Variants in TLE4 observed in about 807,000 individuals in gnomAD.
TLE4 encodes TLE family member 4, transcriptional corepressor.
A neutral mutation model predicts 92.8 loss-of-function variants in TLE4; 8 were observed. That is an observed-to-expected ratio of 0.09 (90% CI 0.05 to 0.16). TLE4 has a LOEUF of 0.16. Ranked by LOEUF, TLE4 falls within the 10% of genes least tolerant of loss-of-function variation. The pLI, the probability that TLE4 is intolerant of heterozygous loss-of-function variation, is 1.00. For missense variants in TLE4, 675 were observed against 997.6 expected (o/e 0.68, Z 4.36); for synonymous variants, 371 against 374.1 (o/e 0.99, Z 0.10).
chr9:79,590,793 CTGTT>C (rs1412288251), intron 4 of TLE4, among the ~76,000 whole-genome samples: 2 of 152,128 alleles, frequency 1.3e-5, no homozygotes, highest in Non-Finnish European at 2.9e-5. Flanking sequence ...CACTTTCTTT[CTGTT>C]TGAGGCTCAC....
At chr9:79,672,295 GT>G (rs1469159944) in intron 8 of TLE4, among the ~76,000 whole-genome samples, 2 of 151,974 alleles carry the variant, frequency 1.3e-5, no homozygotes, top group Non-Finnish European at 2.9e-5. Context: ...GAAGAGTGTG[GT>G]TTTCCCACAG....
At chr9:79,689,727 C>G (rs747886212) in intron 8 of TLE4, among the ~76,000 whole-genome samples, 10 of 152,128 alleles carry the variant, frequency 6.6e-5, no homozygotes, top group Non-Finnish European at 1.2e-4. Context: ...TAATTGTGCT[C>G]TCAGAAAGGA....
At chr9:79,697,238 G>A (rs2068510914) in intron 8 of TLE4, among the ~76,000 whole-genome samples, 2 of 152,134 alleles carry the variant, frequency 1.3e-5, no homozygotes, top group African/African-American at 4.8e-5. Context: ...AAATGACTTT[G>A]GGGTGATAGG....
chr9:79,574,185 A>G (rs1475704632), intron 2 of TLE4: 2 of 157,200 alleles, frequency 1.3e-5, no homozygotes, highest in Non-Finnish European at 2.8e-5. Context: ...CTGAGAGCCC[A>G]GGGAAGTCGG....
At chr9:79,668,951 GA>G (rs1239775706) in intron 8 of TLE4, 1 of 470,780 alleles carries the variant, frequency 2.1e-6, no homozygotes, top group Non-Finnish European at 2.8e-6. Context: ...CAGGTTACTG[GA>G]CAACATAGTG....
At chr9:79,649,913 T>C (rs2058680254) in intron 6 of TLE4, 2 of 1,327,678 alleles carry the variant, frequency 1.5e-6, no homozygotes, top group Non-Finnish European at 2.0e-6. Flanking sequence ...TTTTTTGTTT[T>C]TTGTTTTTTG....
At chr9:79,665,611 A>T (rs1290687074) in intron 8 of TLE4, among the ~76,000 whole-genome samples, 2 of 152,254 alleles carry the variant, frequency 1.3e-5, no homozygotes, top group Non-Finnish European at 2.9e-5. Context: ...AAACACTGAC[A>T]GTAATGCCAG....
At chr9:79,703,726 A>G (rs1481956967) in intron 8 of TLE4, among the ~76,000 whole-genome samples, 1 of 152,148 alleles carries the variant, frequency 6.6e-6, no homozygotes. Flanking sequence ...TGGCATTCCT[A>G]GGTTTCCAGA....
chr9:79,639,319 A>G (rs573314099), intron 6 of TLE4, among the ~76,000 whole-genome samples: 26 of 152,304 alleles, frequency 1.7e-4, no homozygotes, highest in Admixed American at 2.0e-4. Flanking sequence ...TAACTCAAAT[A>G]TATAGTTACA....
chr9:79,629,537 A>C (rs550496469), intron 6 of TLE4, among the ~76,000 whole-genome samples: 2 of 152,328 alleles, frequency 1.3e-5, no homozygotes, highest in South Asian at 4.1e-4. Context: ...CTAAAAACTT[A>C]AAGAACTAAC....
intron 8 of TLE4, among the ~76,000 whole-genome samples, chr9:79,688,470 G>T (rs867464689): frequency 6.6e-6 from 1 of 151,924 alleles, no homozygotes; most frequent in African/African-American, 2.4e-5. Flanking sequence ...AGTGCAGTTG[G>T]ATTGCAGTAT....
At chr9:79,673,479 G>A (rs1473243006) in intron 8 of TLE4, among the ~76,000 whole-genome samples, 2 of 152,088 alleles carry the variant, frequency 1.3e-5, no homozygotes, top group South Asian at 2.1e-4. Context: ...ATAGGCAATT[G>A]GCAGTGATTC....
intron 6 of TLE4, among the ~76,000 whole-genome samples, chr9:79,641,833 ACTCT>A (rs1433664783): frequency 6.6e-6 from 1 of 151,762 alleles, no homozygotes; most frequent in African/African-American, 2.4e-5. Context: ...TCTCCCACTG[ACTCT>A]CTCACCTAGG....
At chr9:79,598,075 GAAAAAA>G (rs748860967) in intron 4 of TLE4, among the ~76,000 whole-genome samples, 3 of 65,736 alleles carry the variant, frequency 4.6e-5, no homozygotes, top group African/African-American at 1.6e-4. Context: ...TACTGAAAAA[GAAAAAA>G]AAAAAAAAAA....
chr9:79,699,546 T>C (rs2069196101), intron 8 of TLE4, among the ~76,000 whole-genome samples: 1 of 152,214 alleles, frequency 6.6e-6, no homozygotes, highest in South Asian at 2.1e-4. Context: ...GACTCCTCAT[T>C]ATCCCATTTA....
chr9:79,688,754 C>T (rs1033887872), intron 8 of TLE4, among the ~76,000 whole-genome samples: 2 of 151,858 alleles, frequency 1.3e-5, no homozygotes, highest in Non-Finnish European at 2.9e-5. Flanking sequence ...AAGTTTTATA[C>T]TCTTCAATTG....
chr9:79,596,224 G>A (rs2043977595), intron 4 of TLE4, among the ~76,000 whole-genome samples: 1 of 151,974 alleles, frequency 6.6e-6, no homozygotes, highest in South Asian at 2.1e-4. Context: ...TAAATTTCAG[G>A]ACCATGTTAT....
intron 8 of TLE4, among the ~76,000 whole-genome samples, chr9:79,680,183 A>G (rs2064213242): frequency 6.6e-6 from 1 of 151,736 alleles, no homozygotes; most frequent in Non-Finnish European, 1.5e-5. Context: ...TGGGGATGGC[A>G]TTGAATCTAT....
intron 3 of TLE4, 80 bp downstream of exon 3, chr9:79,575,016 G>A (rs1029414827): frequency 1.6e-6 from 2 of 1,223,592 alleles, no homozygotes; most frequent in Non-Finnish European, 2.4e-6. Context: ...ATTGCTGGGG[G>A]CTGCAAGATA....
Sources: allele counts gnomAD v4.1 joint callset (sites outside exome capture counted in the v4.1 genomes callset), GRCh38; gene constraint gnomAD v4.1.1; transcripts MANE v1.5; gene names NCBI Gene and HGNC (gene_info 2026-07-23, HGNC 2026-07-21).